The following NREP variants were observed in gnomAD, a reference collection of about 807,000 sequenced individuals.
NREP encodes the protein neuronal regeneration-related protein.
A neutral mutation model predicts 8.6 loss-of-function variants in NREP; 5 were observed. The observed-to-expected ratio is 0.58, with a 90% CI of 0.30 to 1.22. The LOEUF (loss-of-function observed/expected upper bound fraction) is 1.22. Among genes scored for constraint, NREP ranks in the 50% most tolerant of loss-of-function variants. The probability of loss-of-function intolerance (pLI) is 0.07; values close to 1 mark genes in which losing one functional copy is unlikely to be tolerated. For missense variants in NREP, 86 were observed against 82.5 expected (o/e 1.04, Z -0.17); for synonymous variants, 27 against 28.0 (o/e 0.96, Z 0.11).
At chr5:111,767,533 T>C (rs1302550977) in intron 2 of NREP, among the ~76,000 whole-genome samples, 7 of 152,206 alleles carry the variant, frequency 4.6e-5, no homozygotes, top group African/African-American at 1.4e-4. Flanking sequence ...TTTTCTGTTC[T>C]CTGTTTATGC....
At chr5:111,869,868 A>G (rs74555799) in intron 2 of NREP, among the ~76,000 whole-genome samples, 7,685 of 152,244 alleles carry the variant, frequency 0.05, 475 homozygotes, top group East Asian at 0.23. Context: ...AATGACTCGT[A>G]TGAATGAATT....
At chr5:111,881,578 C>G (rs898526552) in intron 2 of NREP, among the ~76,000 whole-genome samples, 1 of 152,150 alleles carries the variant, frequency 6.6e-6, no homozygotes, top group East Asian at 1.9e-4. Context: ...GGGAGGCACC[C>G]CCCAGTAGGG....
At chr5:111,810,627 A>ATAACATT (rs1326133928) in intron 2 of NREP, among the ~76,000 whole-genome samples, 2 of 152,224 alleles carry the variant, frequency 1.3e-5, no homozygotes, top group Non-Finnish European at 2.9e-5. Flanking sequence ...TGAAACAGAA[A>ATAACATT]TAACATTCAA....
intron 2 of NREP, among the ~76,000 whole-genome samples, chr5:111,874,469 G>T (rs753332353): frequency 3.3e-5 from 5 of 152,166 alleles, no homozygotes; most frequent in South Asian, 2.1e-4. Context: ...CTTGCTTTGT[G>T]CATTTCATGG....
intron 2 of NREP, among the ~76,000 whole-genome samples, chr5:111,843,613 C>G (rs941809017): frequency 3.3e-5 from 5 of 151,938 alleles, no homozygotes; most frequent in Non-Finnish European, 7.4e-5. Flanking sequence ...CATTCTTGAG[C>G]CTTATTATTA....
chr5:111,835,081 A>G (rs906476220), intron 2 of NREP, among the ~76,000 whole-genome samples: 2 of 152,128 alleles, frequency 1.3e-5, no homozygotes, highest in African/African-American at 2.4e-5. Context: ...CTCACCACAC[A>G]CATCCATCTT....
At chr5:111,876,385 A>G (rs959699759) in intron 2 of NREP, among the ~76,000 whole-genome samples, 2 of 152,196 alleles carry the variant, frequency 1.3e-5, no homozygotes, top group Non-Finnish European at 2.9e-5. Context: ...TCACAGCCCA[A>G]CTTCATTGGC....
intron 2 of NREP, among the ~76,000 whole-genome samples, chr5:111,865,869 G>C (rs11241141): frequency 0.13 from 20,480 of 152,076 alleles, 1,764 homozygotes; most frequent in Non-Finnish European, 0.19. Context: ...GAGCAACTTT[G>C]ATCAAAACTA....
chr5:111,743,627 G>A (rs1447994920), intron 2 of NREP, among the ~76,000 whole-genome samples: 1 of 152,140 alleles, frequency 6.6e-6, no homozygotes, highest in Non-Finnish European at 1.5e-5. Context: ...AACTGCACTT[G>A]TGAATTTTAG....
chr5:111,755,780 A>G lies in NREP; in HGVS notation c.-8T>C. On this transcript the variant is annotated 5_prime_UTR_variant, in exon 2 of 4. Coordinates refer to ENST00000257435, the MANE Select transcript of NREP (RefSeq NM_004772.4). ...ATGACCAAGTCTTACCATTTTGAGA[A>G]TCTTAGTCTTGGGCTTCTATTCTCC... 6.2e-7 allele frequency: 1 copy of G among 1,613,834 alleles called. No individual in the cohort carries two copies. Among genetic ancestry groups the G allele is most frequent in the Non-Finnish European group, 8.5e-7 (1 of 1,179,776 alleles).
At chr5:111,743,264 G>GA (rs397817022) in intron 2 of NREP, among the ~76,000 whole-genome samples, 31,080 of 144,178 alleles carry the variant, frequency 0.22, 3,365 homozygotes, top group East Asian at 0.39. Flanking sequence ...CTTTAGTGAA[G>GA]AAAAAAAAAA....
At chr5:111,886,999 T>TAA (rs35853357) in intron 2 of NREP, among the ~76,000 whole-genome samples, 19 of 144,520 alleles carry the variant, frequency 1.3e-4, no homozygotes, top group Non-Finnish European at 3.1e-5. Context: ...ATAGAAAAAA[T>TAA]AAAAAAAAAA....
chr5:111,765,764 G>T (rs1317323334), intron 2 of NREP, among the ~76,000 whole-genome samples: 3 of 152,074 alleles, frequency 2.0e-5, no homozygotes, highest in Admixed American at 2.0e-4. Context: ...GCTTCACTTG[G>T]TTCTCTTGGT....
At chr5:111,950,041 C>T (rs941798739) in intron 2 of NREP, among the ~76,000 whole-genome samples, 1 of 152,018 alleles carries the variant, frequency 6.6e-6, no homozygotes, top group South Asian at 2.1e-4. Flanking sequence ...ATTTACACTC[C>T]CACCAACAGT....
rs75076837 is a variant in NREP at position 111,808,817 on chromosome 5, C to T, written c.136-73310G>A. Among the ~76,000 whole-genome samples, 202 of 152,292 alleles carry T rather than the reference C, an allele frequency of 1.3e-3. 2 individuals are homozygous for T. In the East Asian group the frequency reaches 0.035, roughly 27 times the overall value. ...CCACTGCCTTTTCTATGTCTTCTAC[C>T]AGAATGTAAGCTCCATCATAGCAAG... On this transcript the variant is annotated intron_variant, in intron 2 of 3. Transcript: ENST00000395634.
At position 111,914,567 on chromosome 5, in the gene NREP, G is replaced by A. The variant is rs147035818; in HGVS notation, c.135+60707C>T. ...GGTCCCGTTCCAGCCAGTGGAAACC[G>A]GACACAGCAGTAGGATGGACGTGTC... On this transcript the variant is annotated intron_variant, in intron 2 of 3. Coordinates refer to the NREP transcript ENST00000395634. Among the ~76,000 whole-genome samples the A allele has an allele frequency of 6.6e-5, 10 of 152,232 alleles. No individual in the cohort carries two copies. In the East Asian group the frequency reaches 1.4e-3, roughly 21 times the overall value.
At chr5:111,948,870 A>T in intron 2 of NREP, 1 of 152,058 alleles carries the variant, frequency 6.6e-6, no homozygotes, top group East Asian at 1.9e-4. Context: ...AGAACAAGAA[A>T]GTCACCTAAC....
At chr5:111,873,363 A>G (rs1054005446) in intron 2 of NREP, among the ~76,000 whole-genome samples, 1 of 152,212 alleles carries the variant, frequency 6.6e-6, no homozygotes, top group African/African-American at 2.4e-5. Flanking sequence ...TATATAGGCC[A>G]GAAGTCCAAT....
chr5:111,939,833 G>T (rs1755782169), intron 2 of NREP, among the ~76,000 whole-genome samples: 1 of 152,040 alleles, frequency 6.6e-6, no homozygotes, highest in Admixed American at 6.6e-5. Flanking sequence ...CATCCATGCT[G>T]TTGGCCATGA....
Sources: gnomAD v4.1 joint callset for allele counts (sites outside exome capture counted in the v4.1 genomes callset) on GRCh38, gnomAD v4.1.1 for gene constraint, MANE v1.5 for transcripts, NCBI Gene and HGNC (gene_info 2026-07-23, HGNC 2026-07-21) for gene names.